PTPRT: variants seen among roughly 807,000 people sequenced by gnomAD.
PTPRT encodes protein tyrosine phosphatase receptor type T, also known as receptor-type tyrosine-protein phosphatase T.
A neutral mutation model predicts 176.8 loss-of-function variants in PTPRT; 56 were observed. The observed-to-expected ratio is 0.32, with a 90% CI of 0.26 to 0.40. PTPRT has a LOEUF of 0.40. Among genes scored for constraint, PTPRT ranks in the 10% least tolerant of loss-of-function variants. The probability of loss-of-function intolerance (pLI) is 1.00; values close to 1 mark genes in which losing one functional copy is unlikely to be tolerated. For synonymous variants in PTPRT, 783 were observed against 739.0 expected (o/e 1.06, Z -0.96); for missense variants, 1,540 against 1,908.2 (o/e 0.81, Z 3.60).
intron 1 of PTPRT, among the ~76,000 whole-genome samples, chr20:43,160,825 T>C (rs1367139826): frequency 6.6e-6 from 1 of 152,102 alleles, no homozygotes; most frequent in African/African-American, 2.4e-5. Context: ...ATATTGGCCC[T>C]GTACTGCTTC....
intron 1 of PTPRT, among the ~76,000 whole-genome samples, chr20:43,048,892 T>C (rs920716371): frequency 1.3e-5 from 2 of 152,156 alleles, no homozygotes; most frequent in South Asian, 4.1e-4. Context: ...CGAAGACACC[T>C]GCTCGCCTCT....
At chr20:42,657,532 T>G (rs2075146294) in intron 7 of PTPRT, among the ~76,000 whole-genome samples, 1 of 152,162 alleles carries the variant, frequency 6.6e-6, no homozygotes, top group Non-Finnish European at 1.5e-5. Context: ...TCCACATGCT[T>G]TATCTAGGTT....
In PTPRT at chr20:42,084,969, C is replaced by G. The variant is rs1297849721; in HGVS notation, c.3973-124G>C. 3 of 777,066 alleles carry G rather than the reference C, an allele frequency of 3.9e-6. No individual in the cohort carries two copies. In the East Asian group the frequency reaches 1.0e-4, roughly 26 times the overall value. The allele number at this position is 777,066 out of a possible 1,614,324, so 48.1% of individuals were successfully genotyped here. On this transcript the variant is annotated intron_variant, in intron 28 of 30. Transcript: ENST00000373187. Reference sequence around the variant, plus strand: ...GACCAAATGGGATCTAAGCCATGTCCTCACGGGGAGAGTCCCCATGACTAC... The same window carrying G: ...GACCAAATGGGATCTAAGCCATGTCGTCACGGGGAGAGTCCCCATGACTAC...
intron 13 of PTPRT, among the ~76,000 whole-genome samples, chr20:42,267,302 C>T (rs2146986522): frequency 6.6e-6 from 1 of 152,284 alleles, no homozygotes; most frequent in Non-Finnish European, 1.5e-5. Context: ...CTAGGTTAAG[C>T]TATGATGTTC....
chr20:43,017,260 GA>G (rs1449790272), intron 1 of PTPRT, among the ~76,000 whole-genome samples: 1 of 152,088 alleles, frequency 6.6e-6, no homozygotes, highest in East Asian at 1.9e-4. Context: ...AAATATTACT[GA>G]TCTCGATGAT....
At chr20:42,357,008 T>C (rs986069608) in intron 9 of PTPRT, among the ~76,000 whole-genome samples, 1 of 152,138 alleles carries the variant, frequency 6.6e-6, no homozygotes, top group African/African-American at 2.4e-5. Context: ...TTTTTATGGG[T>C]ATCTTCTCTG....
intron 1 of PTPRT, among the ~76,000 whole-genome samples, chr20:43,095,877 C>T (rs1466917879): frequency 3.3e-5 from 1 of 29,922 alleles, no homozygotes. Context: ...TCCACCCTCC[C>T]TCTCTCTCTC....
At chr20:42,422,211 A>G (rs1180681536) in intron 9 of PTPRT, among the ~76,000 whole-genome samples, 1 of 152,262 alleles carries the variant, frequency 6.6e-6, no homozygotes, top group Non-Finnish European at 1.5e-5. Context: ...AATGGAATTT[A>G]ATTAAACTAA....
At chr20:42,301,461 G>GT (rs1040859775) in intron 12 of PTPRT, among the ~76,000 whole-genome samples, 12 of 151,620 alleles carry the variant, frequency 7.9e-5, no homozygotes, top group Middle Eastern at 3.4e-3. Flanking sequence ...CCTGGACCAG[G>GT]TTTTTTTTTG....
At position 42,776,810 on chromosome 20, in the gene PTPRT, A is replaced by G. The variant is rs112614698; in HGVS notation, c.568+3408T>C. ...TATATGATTATATAATTATTTATAT[A>G]CTATAACTCACATTTATATAATATA... is the stretch of plus-strand genomic sequence containing the variant. On this transcript the variant is annotated intron_variant, in intron 4 of 30. Transcript: ENST00000373187. 2.7e-5 allele frequency among the ~76,000 whole-genome samples: 4 copies of G among 147,634 alleles called. No individual in the cohort carries two copies. In the East Asian group the frequency reaches 7.8e-4, roughly 29 times the overall value.
intron 11 of PTPRT, among the ~76,000 whole-genome samples, chr20:42,330,732 T>TTTTA (rs1448211678): frequency 6.6e-6 from 1 of 152,032 alleles, no homozygotes; most frequent in African/African-American, 2.4e-5. Context: ...TAAACTTGTT[T>TTTTA]TTTGTTATTG....
intron 7 of PTPRT, among the ~76,000 whole-genome samples, chr20:42,546,599 C>A (rs2072678811): frequency 6.6e-6 from 1 of 152,162 alleles, no homozygotes; most frequent in South Asian, 2.1e-4. Context: ...CAGCTTGGTG[C>A]CTGTCTGTCT....
chr20:43,035,838 C>G (rs1986356555), intron 1 of PTPRT, among the ~76,000 whole-genome samples: 2 of 152,298 alleles, frequency 1.3e-5, no homozygotes, highest in South Asian at 2.1e-4. Flanking sequence ...GAGGAAAATT[C>G]CAGATAAAGC....
At chr20:42,626,972 C>A (rs578022683) in intron 7 of PTPRT, among the ~76,000 whole-genome samples, 1 of 151,452 alleles carries the variant, frequency 6.6e-6, no homozygotes, top group Non-Finnish European at 1.5e-5. Flanking sequence ...TACACATTAC[C>A]GTGAAGCCTT....
intron 1 of PTPRT, among the ~76,000 whole-genome samples, chr20:43,043,194 T>C (rs1031620082): frequency 6.6e-6 from 1 of 152,124 alleles, no homozygotes; most frequent in African/African-American, 2.4e-5. Context: ...TGATTGCAAA[T>C]ACACTGTATC....
intron 1 of PTPRT, among the ~76,000 whole-genome samples, chr20:43,068,301 GA>G (rs1199603661): frequency 6.7e-6 from 1 of 150,208 alleles, no homozygotes; most frequent in Non-Finnish European, 1.5e-5. Flanking sequence ...TCAGGAGATC[GA>G]GACTATCCTG....
chr20:42,696,344 G>A (rs560409816), intron 6 of PTPRT, among the ~76,000 whole-genome samples: 13 of 139,506 alleles, frequency 9.3e-5, no homozygotes, highest in East Asian at 7.3e-4. Context: ...CCTCTCTCCC[G>A]TTCTCCTTTC....
chr20:43,146,803 T>C (rs2014183811), intron 1 of PTPRT, among the ~76,000 whole-genome samples: 1 of 152,016 alleles, frequency 6.6e-6, no homozygotes, highest in Non-Finnish European at 1.5e-5. Flanking sequence ...CACAAAACCT[T>C]CCAGAGCTGC....
chr20:42,879,818 C>T (rs561377645), intron 2 of PTPRT, among the ~76,000 whole-genome samples: 1 of 152,270 alleles, frequency 6.6e-6, no homozygotes, highest in Non-Finnish European at 1.5e-5. Context: ...CCAACTCCTC[C>T]TCCTTCCAAT....
Sources: gnomAD v4.1 joint callset for allele counts (sites outside exome capture counted in the v4.1 genomes callset) on GRCh38, gnomAD v4.1.1 for gene constraint, MANE v1.5 for transcripts, NCBI Gene and HGNC (gene_info 2026-07-23, HGNC 2026-07-21) for gene names.